ARB2A: variants seen among roughly 807,000 people sequenced by gnomAD.
The protein encoded by ARB2A is ARB2 cotranscriptional regulator A.
At chr5:93,701,154 G>A in the ARB2A span, among the ~76,000 whole-genome samples, 27,882 of 152,072 alleles carry the variant, frequency 0.18, 2,927 homozygotes, top group Middle Eastern at 0.28. Flanking sequence ...GTCATTTGAC[G>A]TGCTGTAGTG....
chr5:94,067,155 C>T, the ARB2A span, among the ~76,000 whole-genome samples: 1 of 152,078 alleles, frequency 6.6e-6, no homozygotes, highest in South Asian at 2.1e-4. Flanking sequence ...CTGATAAAAA[C>T]ACTCTCAACA....
the ARB2A span, among the ~76,000 whole-genome samples, chr5:93,950,092 T>A: frequency 6.6e-6 from 1 of 152,170 alleles, no homozygotes. Flanking sequence ...ATGTACCACA[T>A]TTTCCTTATC....
At chr5:93,670,852 GA>G in the ARB2A span, among the ~76,000 whole-genome samples, 1 of 152,166 alleles carries the variant, frequency 6.6e-6, no homozygotes, top group Non-Finnish European at 1.5e-5. Flanking sequence ...TTACAATGCT[GA>G]AATGTTCCAA....
At chr5:94,091,702 G>C in the ARB2A span, among the ~76,000 whole-genome samples, 2 of 152,076 alleles carry the variant, frequency 1.3e-5, no homozygotes, top group African/African-American at 4.8e-5. Flanking sequence ...GAAATCAAAA[G>C]CCCAATTTTT....
At chr5:94,069,039 AAGATAGAT>A in the ARB2A span, among the ~76,000 whole-genome samples, 307 of 140,394 alleles carry the variant, frequency 2.2e-3, 2 homozygotes, top group Middle Eastern at 0.011. Context: ...CTGTCTTAAA[AAGATAGAT>A]AGATAGATAG....
the ARB2A span, among the ~76,000 whole-genome samples, chr5:93,697,514 A>G: frequency 6.6e-6 from 1 of 152,158 alleles, no homozygotes; most frequent in African/African-American, 2.4e-5. Flanking sequence ...TTTTGCCCCA[A>G]TGCAATTCTT....
At chr5:93,654,494 T>C in the ARB2A span, among the ~76,000 whole-genome samples, 2 of 152,228 alleles carry the variant, frequency 1.3e-5, no homozygotes, top group Non-Finnish European at 1.5e-5. Flanking sequence ...GAATGCCTAG[T>C]TGTGGGAACA....
At chr5:93,677,477 A>G in the ARB2A span, among the ~76,000 whole-genome samples, 1 of 152,234 alleles carries the variant, frequency 6.6e-6, no homozygotes, top group Non-Finnish European at 1.5e-5. Context: ...GCAAGTGAGC[A>G]GGCGTGCTGC....
At chr5:93,797,581 G>C in the ARB2A span, among the ~76,000 whole-genome samples, 1 of 152,040 alleles carries the variant, frequency 6.6e-6, no homozygotes, top group Non-Finnish European at 1.5e-5. Context: ...CACTAATTTA[G>C]AAAGTCAATT....
chr5:93,805,937 C>G, the ARB2A span: 1 of 985,032 alleles, frequency 1.0e-6, no homozygotes. Context: ...AATATATAGA[C>G]TCTTCTGATT....
chr5:94,006,789 A>G, the ARB2A span, among the ~76,000 whole-genome samples: 1 of 152,232 alleles, frequency 6.6e-6, no homozygotes, highest in Non-Finnish European at 1.5e-5. Context: ...ACAATGAAAT[A>G]AAATATGAAA....
the ARB2A span, chr5:93,620,710 G>C: frequency 3.1e-6 from 1 of 317,928 alleles, no homozygotes; most frequent in Non-Finnish European, 5.6e-6. Context: ...TTCGCCGGCC[G>C]AGCCAGGCAG....
the ARB2A span, chr5:93,910,828 T>C: frequency 6.6e-6 from 1 of 151,514 alleles, no homozygotes; most frequent in African/African-American, 2.4e-5. Context: ...GACATTTATA[T>C]TGCAATTTTC....
the ARB2A span, among the ~76,000 whole-genome samples, chr5:93,722,355 T>C: frequency 6.6e-6 from 1 of 152,110 alleles, no homozygotes; most frequent in Non-Finnish European, 1.5e-5. Context: ...TGTTTAGTTA[T>C]GGGACCTACT....
the ARB2A span, among the ~76,000 whole-genome samples, chr5:93,754,912 G>C: frequency 6.6e-6 from 1 of 151,430 alleles, no homozygotes; most frequent in African/African-American, 2.4e-5. Flanking sequence ...GTAATATTTT[G>C]TGACCCTTAT....
the ARB2A span, among the ~76,000 whole-genome samples, chr5:93,830,311 G>GTGTATATATATATATATATATA: frequency 1.2e-5 from 1 of 82,260 alleles, no homozygotes; most frequent in African/African-American, 5.2e-5. Context: ...GTGTGTGTGT[G>GTGTATATATATATATATATATA]TATATATATA....
the ARB2A span, among the ~76,000 whole-genome samples, chr5:94,065,958 G>A: frequency 8.5e-5 from 13 of 152,092 alleles, no homozygotes; most frequent in African/African-American, 2.7e-4. Context: ...GCATTCTCCA[G>A]GATAGACCAT....
the ARB2A span, chr5:93,740,491 C>A: frequency 7.3e-7 from 1 of 1,364,996 alleles, no homozygotes; most frequent in South Asian, 1.4e-5. Context: ...ATACTAAAAG[C>A]CCTCAAATGA....
the ARB2A span, among the ~76,000 whole-genome samples, chr5:93,820,655 T>A: frequency 1.3e-5 from 2 of 152,206 alleles, no homozygotes; most frequent in African/African-American, 4.8e-5. Context: ...GATGGTTTAA[T>A]AACTGTAACT....
Sources: allele counts gnomAD v4.1 joint callset (sites outside exome capture counted in the v4.1 genomes callset), GRCh38; gene constraint gnomAD v4.1.1; transcripts MANE v1.5; gene names NCBI Gene and HGNC (gene_info 2026-07-23, HGNC 2026-07-21).